Variants in C16orf46 observed in about 807,000 individuals in gnomAD.
The protein encoded by C16orf46 is uncharacterized protein C16orf46.
C16orf46 carries 7 observed loss-of-function variants against 5.5 expected under a neutral mutation model. The observed-to-expected ratio is 1.28, with a 90% CI of 0.73 to 2.40. C16orf46 has a LOEUF of 2.40. Among genes scored for constraint, C16orf46 ranks in the 30% most tolerant of loss-of-function variants. C16orf46 has a pLI of 0.00. For synonymous variants in C16orf46, 200 were observed against 184.1 expected (o/e 1.09, Z -0.70); for missense variants, 614 against 476.0 (o/e 1.29, Z -2.70).
chr16:81,063,198 G>A lies in C16orf46; in HGVS notation c.210+548C>T, dbSNP rs556187911. On this transcript the variant is annotated intron_variant, in intron 3 of 3. Transcript: ENST00000299578. ...GCAGAGGTTGCAGTGAGCCAAGATC[G>A]CGCCACTGCACTCCAGCCTGGGCGA... 1.2e-4 allele frequency among the ~76,000 whole-genome samples: 17 copies of A among 147,436 alleles called. No individual in the cohort carries two copies. In the South Asian group the frequency reaches 3.0e-3, roughly 26 times the overall value.
intron 3 of C16orf46, among the ~76,000 whole-genome samples, chr16:81,063,224 C>G (rs577781102): frequency 2.5e-3 from 314 of 123,186 alleles, no homozygotes; most frequent in African/African-American, 9.4e-3. Context: ...GCCTGGGCGA[C>G]AGAAAGAGAC....
At chr16:81,062,268 A>C in intron 3 of C16orf46, 130 bp from the exon 4 acceptor site, 1 of 715,988 alleles carries the variant, frequency 1.4e-6, no homozygotes, top group Non-Finnish European at 2.0e-6. Context: ...TTTTTTTACT[A>C]CCCCTTCCCC....
At chr16:81,062,695 C>T (rs866654991) in intron 3 of C16orf46, among the ~76,000 whole-genome samples, 8 of 152,016 alleles carry the variant, frequency 5.3e-5, no homozygotes, top group African/African-American at 1.9e-4. Context: ...CCCAGGGATA[C>T]CTACTCCCCA....
At chr16:81,068,069 A>G (rs1040440818) in intron 1 of C16orf46, among the ~76,000 whole-genome samples, 4 of 152,242 alleles carry the variant, frequency 2.6e-5, no homozygotes, top group African/African-American at 9.6e-5. Flanking sequence ...AATGCAGAAA[A>G]GAATAGACAT....
Position 81,062,019 on chromosome 16 carries a change from G to T in C16orf46, c.330C>A (p.His110Gln). 6.2e-7 allele frequency: 1 copy of T among 1,613,960 alleles called. No individual in the cohort carries two copies. Among genetic ancestry groups the T allele is most frequent in the Non-Finnish European group, 8.5e-7 (1 of 1,180,024 alleles). The change falls in exon 4 of 4, where the codon CAC becomes CAA. Residue 110 changes from histidine (H) to glutamine (Q), a missense_variant. His to Gln is a conservative substitution (Grantham distance 24). Coordinates refer to ENST00000299578, the MANE Select transcript of C16orf46 (RefSeq NM_152337.3). The part of the protein sequence containing the change: ...SDCLVCVNLS[H>Q]WSLQTKPPTE... ...TAGGAGGCTTGGTCTGGAGGCTCCAGTGGGAGAGGTTAACACACACCAAGC... is the reference window on the plus strand; with the variant it reads ...TAGGAGGCTTGGTCTGGAGGCTCCATTGGGAGAGGTTAACACACACCAAGC...
chr16:81,054,211 C>T, intron 3 of C16orf46: 2 of 837,040 alleles, frequency 2.4e-6, no homozygotes, highest in Non-Finnish European at 3.7e-6. Context: ...GAAGACTGCC[C>T]TCAATAACTT....
Position 81,063,803 on chromosome 16 carries a change from C to T in C16orf46, c.153G>A (p.Thr51=), listed in dbSNP as rs375949486. 14 of 1,613,874 alleles carry T rather than the reference C, an allele frequency of 8.7e-6. No homozygotes were observed. The highest frequency in any genetic ancestry group is 6.7e-5 in the Admixed American group (4 of 59,994). The change falls in exon 3 of 4, where the codon ACG becomes ACA. Residue 51 remains threonine (T), a synonymous_variant. Coordinates refer to ENST00000299578, the MANE Select transcript of C16orf46 (RefSeq NM_152337.3). ...VYCLLDVSDI[T]LEQDEKAKEF... is the part of the protein sequence containing the mutation. ...CTTTGGCTTTTTCATCTTGTTCAAGCGTAATGTCACTGACATCGAGAAGAC... is the reference window on the plus strand; with the variant it reads ...CTTTGGCTTTTTCATCTTGTTCAAGTGTAATGTCACTGACATCGAGAAGAC...
chr16:81,064,325 T>C (rs993110980), intron 2 of C16orf46, among the ~76,000 whole-genome samples: 5 of 147,730 alleles, frequency 3.4e-5, no homozygotes, highest in African/African-American at 1.3e-4. Context: ...GATTGGCCAC[T>C]GCACTCCAGC....
At chr16:81,065,783 C>T (rs1971634931) in intron 2 of C16orf46, among the ~76,000 whole-genome samples, 1 of 151,706 alleles carries the variant, frequency 6.6e-6, no homozygotes, top group Admixed American at 6.6e-5. Context: ...GTTGAATTAC[C>T]AATTTGGCTT....
At chr16:81,068,243 A>G (rs898766375) in intron 1 of C16orf46, among the ~76,000 whole-genome samples, 6 of 152,234 alleles carry the variant, frequency 3.9e-5, no homozygotes, top group Non-Finnish European at 8.8e-5. Flanking sequence ...CCTGAAATGA[A>G]CAAAGACAAC....
At chr16:81,062,902 T>G (rs1226373676) in intron 3 of C16orf46, among the ~76,000 whole-genome samples, 1 of 151,264 alleles carries the variant, frequency 6.6e-6, no homozygotes, top group Non-Finnish European at 1.5e-5. Flanking sequence ...TTTAGTTTTC[T>G]TATAGTTTTA....
downstream of C16orf46, among the ~76,000 whole-genome samples, chr16:81,058,879 G>A (rs1393621891): frequency 2.6e-5 from 4 of 152,148 alleles, no homozygotes; most frequent in South Asian, 2.1e-4. Flanking sequence ...TCCCCGACCT[G>A]TGAAATATAG....
chr16:81,056,784 T>G (rs979584365), downstream of C16orf46, among the ~76,000 whole-genome samples: 2 of 150,786 alleles, frequency 1.3e-5, no homozygotes, highest in Admixed American at 1.3e-4. Flanking sequence ...CATGAGACCC[T>G]AGAGGACCAG....
intron 2 of C16orf46, among the ~76,000 whole-genome samples, chr16:81,065,045 T>C (rs1385196013): frequency 6.6e-6 from 1 of 152,190 alleles, no homozygotes; most frequent in Non-Finnish European, 1.5e-5. Flanking sequence ...ACTTGGCATT[T>C]AGAATCTAGA....
chr16:81,053,650 A>T (rs1048895468), exon 4 of C16orf46: 1 of 156,724 alleles, frequency 6.4e-6, no homozygotes, highest in Non-Finnish European at 1.4e-5. Flanking sequence ...CTTGGAAGCA[A>T]GTTACTATTA....
intron 3 of C16orf46, among the ~76,000 whole-genome samples, chr16:81,063,294 T>G (rs929204226): frequency 5.2e-4 from 78 of 149,932 alleles, no homozygotes; most frequent in Non-Finnish European, 8.7e-4. Context: ...GTAGAGCCAT[T>G]AGGAAAGAAG....
chr16:81,063,784 C>CT lies in C16orf46; in HGVS notation c.171dup (p.Ala58SerfsTer50). 1.2e-6 allele frequency: 2 copies of CT among 1,614,002 alleles called. No individual in the cohort carries two copies. The highest frequency in any genetic ancestry group is 2.2e-5 in the South Asian group (2 of 91,070). Reference sequence around the variant, plus strand: ...CCAGTTCCAATAATAAACTCTTTGGCTTTTTCATCTTGTTCAAGCGTAATG... The same window carrying CT: ...CCAGTTCCAATAATAAACTCTTTGGCTTTTTTCATCTTGTTCAAGCGTAATG... On this transcript the variant is annotated frameshift_variant, in exon 3 of 4. Transcript: ENST00000299578. LOFTEE classifies it low-confidence loss of function (END_TRUNC).
chr16:81,068,321 T>C (rs979533692), intron 1 of C16orf46, among the ~76,000 whole-genome samples: 2 of 152,162 alleles, frequency 1.3e-5, no homozygotes, highest in African/African-American at 4.8e-5. Flanking sequence ...TGTTTTCTGT[T>C]GTGTGTTGTA....
intron 3 of C16orf46, chr16:81,055,460 A>C (rs1971266622): frequency 6.6e-6 from 1 of 152,100 alleles, no homozygotes; most frequent in Non-Finnish European, 1.5e-5. Flanking sequence ...TTGGGAGGCC[A>C]AGGCAGGCGG....
Sources: allele counts gnomAD v4.1 joint callset (sites outside exome capture counted in the v4.1 genomes callset), GRCh38; gene constraint gnomAD v4.1.1; transcripts MANE v1.5; gene names NCBI Gene and HGNC (gene_info 2026-07-23, HGNC 2026-07-21).